Variants in PRKCH observed in about 807,000 individuals in gnomAD.
PRKCH encodes the protein protein kinase C eta type.
A neutral mutation model predicts 82.5 loss-of-function variants in PRKCH; 28 were observed. The observed-to-expected ratio is 0.34, with a 90% confidence interval of 0.25 to 0.47. The LOEUF (loss-of-function observed/expected upper bound fraction) is 0.47. PRKCH is among the 20% of genes least tolerant of loss of function. The pLI is 1.00. For missense variants in PRKCH, 705 were observed against 881.8 expected (o/e 0.80, Z 2.54); for synonymous variants, 322 against 327.4 (o/e 0.98, Z 0.18).
chr14:61,542,460 G>C (rs536152943), intron 12 of PRKCH, among the ~76,000 whole-genome samples: 37 of 152,186 alleles, frequency 2.4e-4, no homozygotes, highest in Non-Finnish European at 3.7e-4. Flanking sequence ...AGGATCACTT[G>C]AGCTTAAGAG....
At chr14:61,469,519 G>T (rs950869467) in intron 9 of PRKCH, among the ~76,000 whole-genome samples, 3 of 152,198 alleles carry the variant, frequency 2.0e-5, no homozygotes, top group Non-Finnish European at 4.4e-5. Context: ...GTTGAGTCCT[G>T]CTGTGATGAG....
At position 61,418,132 on chromosome 14, in the gene PRKCH, C is replaced by T. The variant is rs530700525; in HGVS notation, c.428-24979C>T. Among the ~76,000 whole-genome samples, 7 of 152,304 alleles carry T rather than the reference C, an allele frequency of 4.6e-5. 1 individual carries two copies. The highest frequency in any genetic ancestry group is 4.2e-4 in the South Asian group (2 of 4,818). ...GCTGTGTTTACTAAAGTGAGTTCTGCGCTTACATTCACACACTGCAAACTG... is the reference window on the plus strand; with the variant it reads ...GCTGTGTTTACTAAAGTGAGTTCTGTGCTTACATTCACACACTGCAAACTG... On this transcript the variant is annotated intron_variant, in intron 2 of 13. Transcript: ENST00000332981.
At chr14:61,269,413 T>C (rs1420041595) in intron 1 of PRKCH, among the ~76,000 whole-genome samples, 3 of 152,186 alleles carry the variant, frequency 2.0e-5, no homozygotes, top group African/African-American at 7.2e-5. Flanking sequence ...GTTTGTTACA[T>C]AGGTAAACTC....
upstream of PRKCH, among the ~76,000 whole-genome samples, chr14:61,318,587 G>A (rs546133861): frequency 2.0e-5 from 3 of 151,930 alleles, no homozygotes; most frequent in East Asian, 1.9e-4. Context: ...CCTTGATACC[G>A]TCCTCTTCCT....
At position 61,505,616 on chromosome 14, in the gene PRKCH, C is replaced by T. The variant is rs575899538; in HGVS notation, c.1433+19960C>T. Among the ~76,000 whole-genome samples, 249 of 151,736 alleles carry T rather than the reference C, an allele frequency of 1.6e-3. 1 individual carries two copies. Among genetic ancestry groups the T allele is most frequent in the African/African-American group, 5.8e-3 (240 of 41,302 alleles). Reference sequence around the variant, plus strand: ...TCTCGAACTCCCGACCTCAGGTGATCCACCCGCCTTGGCCTGCCAAAGTGC... The same window carrying T: ...TCTCGAACTCCCGACCTCAGGTGATTCACCCGCCTTGGCCTGCCAAAGTGC... On this transcript the variant is annotated intron_variant, in intron 10 of 13. Coordinates refer to ENST00000332981, the MANE Select transcript of PRKCH (RefSeq NM_006255.5).
chr14:61,428,112 C>CATATATATATATAT lies in PRKCH; in HGVS notation c.428-14992_428-14979dup, dbSNP rs112740584. On this transcript the variant is annotated intron_variant, in intron 2 of 13. Transcript: ENST00000332981. ...ACACACACACATATATATATACACA[C>CATATATATATATAT]ATATATATATATATATATATGTATC... 6.9e-3 allele frequency among the ~76,000 whole-genome samples: 1,004 copies of CATATATATATATAT among 145,486 alleles called. 18 individuals are homozygous for CATATATATATATAT. Among genetic ancestry groups the CATATATATATATAT allele is most frequent in the African/African-American group, 0.025 (922 of 37,466 alleles).
At chr14:61,364,177 GAC>G (rs1409070619) in intron 1 of PRKCH, among the ~76,000 whole-genome samples, 1 of 151,504 alleles carries the variant, frequency 6.6e-6, no homozygotes, top group African/African-American at 2.4e-5. Flanking sequence ...CTGGCCTGGA[GAC>G]ACTTTTAGGA....
chr14:61,332,574 T>A (rs747247296), intron 1 of PRKCH, among the ~76,000 whole-genome samples: 4 of 152,212 alleles, frequency 2.6e-5, no homozygotes, highest in Non-Finnish European at 5.9e-5. Flanking sequence ...GATGTTTAGT[T>A]TGTGCTTGTG....
intron 1 of PRKCH, among the ~76,000 whole-genome samples, chr14:61,239,520 G>A (rs975626029): frequency 2.6e-5 from 4 of 152,188 alleles, no homozygotes; most frequent in Non-Finnish European, 4.4e-5. Context: ...TCTTCAGGGG[G>A]TACGTGTCTT....
chr14:61,340,688 A>G (rs909344359), intron 1 of PRKCH, among the ~76,000 whole-genome samples: 1 of 152,200 alleles, frequency 6.6e-6, no homozygotes, highest in African/African-American at 2.4e-5. Flanking sequence ...TATCAGGTCC[A>G]GGGTCCCATG....
At chr14:61,346,267 A>G (rs924115313) in intron 1 of PRKCH, among the ~76,000 whole-genome samples, 2 of 152,156 alleles carry the variant, frequency 1.3e-5, no homozygotes, top group Non-Finnish European at 2.9e-5. Context: ...CCTTTTGGAT[A>G]TATCTCCCCT....
chr14:61,431,258 A>G (rs930575936), intron 2 of PRKCH, among the ~76,000 whole-genome samples: 27 of 152,244 alleles, frequency 1.8e-4, no homozygotes, highest in Admixed American at 1.2e-3. Flanking sequence ...CTGGCAGGCC[A>G]CTGCACATGC....
chr14:61,479,110 C>A (rs1021168186), intron 9 of PRKCH, among the ~76,000 whole-genome samples: 1 of 152,162 alleles, frequency 6.6e-6, no homozygotes, highest in Non-Finnish European at 1.5e-5. Flanking sequence ...CCTCCCTGAT[C>A]TCTTGTCTCT....
chr14:61,196,302 G>A (rs1330146074), intron 1 of PRKCH, among the ~76,000 whole-genome samples: 1 of 152,140 alleles, frequency 6.6e-6, no homozygotes, highest in African/African-American at 2.4e-5. Flanking sequence ...GTAAAAGGTG[G>A]AAATATGATT....
intron 2 of PRKCH, among the ~76,000 whole-genome samples, chr14:61,414,588 CTTTT>C (rs1159456993): frequency 1.6e-5 from 2 of 128,292 alleles, no homozygotes; most frequent in Non-Finnish European, 1.7e-5. Flanking sequence ...TTCATTTATT[CTTTT>C]TTTTTTTTTT....
At chr14:61,277,591 G>GCT (rs2045215387) in intron 1 of PRKCH, 1 of 152,162 alleles carries the variant, frequency 6.6e-6, no homozygotes, top group Non-Finnish European at 1.5e-5. Context: ...TCCCATTTCA[G>GCT]TTTTAAAGTT....
At chr14:61,373,323 GAGC>G (rs1316786093) in intron 1 of PRKCH, among the ~76,000 whole-genome samples, 1 of 151,722 alleles carries the variant, frequency 6.6e-6, no homozygotes, top group East Asian at 1.9e-4. Flanking sequence ...CAGCATGACG[GAGC>G]AGGGTAGAAA....
chr14:61,492,196 G>C (rs17834532), intron 10 of PRKCH: 18,146 of 152,300 alleles, frequency 0.12, 1,123 homozygotes, highest in South Asian at 0.2. Context: ...TTATCCTACA[G>C]TGTTCAGTCA....
At chr14:61,539,346 A>T (rs573027969) in intron 12 of PRKCH, among the ~76,000 whole-genome samples, 14 of 152,308 alleles carry the variant, frequency 9.2e-5, no homozygotes, top group African/African-American at 2.9e-4. Flanking sequence ...AGCATGGAAA[A>T]CACAGCCAGC....
Sources: allele counts gnomAD v4.1 joint callset (sites outside exome capture counted in the v4.1 genomes callset), GRCh38; gene constraint gnomAD v4.1.1; transcripts MANE v1.5; gene names NCBI Gene and HGNC (gene_info 2026-07-23, HGNC 2026-07-21).